The following TCERG1L variants were observed in gnomAD, a reference collection of about 807,000 sequenced individuals.
TCERG1L encodes transcription elongation regulator 1-like protein.
TCERG1L carries 37 observed loss-of-function variants against 56.3 expected under a neutral mutation model. That is an observed-to-expected ratio of 0.66 (90% confidence interval 0.51 to 0.87). The LOEUF is 0.87. TCERG1L is among the 40% of genes least tolerant of loss of function. TCERG1L has a pLI of 0.00. For synonymous variants in TCERG1L, 324 were observed against 326.3 expected, an observed-to-expected ratio of 0.99 and a Z score of 0.08; for missense variants, 799 against 774.2, an observed-to-expected ratio of 1.03 and a Z score of -0.38.
chr10:131,178,535 A>ATCTGTCTG (rs985686767), intron 4 of TCERG1L, among the ~76,000 whole-genome samples: 3 of 152,134 alleles, frequency 2.0e-5, no homozygotes, highest in Non-Finnish European at 4.4e-5. Context: ...AAGGGCATGC[A>ATCTGTCTG]TCTGTCTGTC....
At chr10:131,185,275 G>A (rs1845223747) in intron 4 of TCERG1L, among the ~76,000 whole-genome samples, 1 of 152,080 alleles carries the variant, frequency 6.6e-6, no homozygotes, top group Non-Finnish European at 1.5e-5. Flanking sequence ...CCAAAACACA[G>A]AAGAATGTCA....
At chr10:131,204,399 C>A (rs1477839268) in intron 4 of TCERG1L, among the ~76,000 whole-genome samples, 1 of 151,154 alleles carries the variant, frequency 6.6e-6, no homozygotes. Context: ...TGGCACCTGC[C>A]CCCCCACCCT....
At chr10:131,099,863 C>T (rs752426437) in intron 10 of TCERG1L, among the ~76,000 whole-genome samples, 16 of 148,650 alleles carry the variant, frequency 1.1e-4, no homozygotes. Flanking sequence ...CTTCTTTTTT[C>T]TTTTCTTTCT....
rs1589780157 is a variant in TCERG1L, at chr10:131,309,176, C to G, written c.466G>C (p.Asp156His). The change falls in exon 2 of 12, where the codon GAC (aspartate) becomes CAC (histidine). Residue 156 changes from aspartate to histidine, a missense_variant. Transcript: ENST00000368642. ...ACCTTACAGTTAGGAATCCTTTTGT[C>G]TATCCAACTTTTCCCAATAGGGGTT... is the stretch of plus-strand genomic sequence containing the variant. Reference protein sequence around the residue: ...LATPIGKSWIDKRIPNCKIFF... With the variant: ...LATPIGKSWIHKRIPNCKIFF... 2 of 1,609,300 alleles carry G rather than the reference C, an allele frequency of 1.2e-6. No individual in the cohort carries two copies. The highest frequency in any genetic ancestry group is 1.7e-6 in the Non-Finnish European group (2 of 1,178,138).
intron 7 of TCERG1L, among the ~76,000 whole-genome samples, chr10:131,146,212 G>C (rs1228262627): frequency 6.6e-6 from 1 of 152,194 alleles, no homozygotes; most frequent in African/African-American, 2.4e-5. Context: ...AAAATGCTGG[G>C]TAACAGTGAT....
In TCERG1L at chr10:131,187,418, T is replaced by C. The variant is rs146179825; in HGVS notation, c.857-20533A>G. Among the ~76,000 whole-genome samples, 848 of 152,240 alleles carry C rather than the reference T, an allele frequency of 5.6e-3. 10 individuals are homozygous for C. Among genetic ancestry groups the C allele is most frequent in the African/African-American group, 0.019 (778 of 41,546 alleles). On this transcript the variant is annotated intron_variant, in intron 4 of 11. Coordinates refer to ENST00000368642, the MANE Select transcript of TCERG1L (RefSeq NM_174937.4). ...CAGTTGTACTAGACATGAGGGTGGGTGTCCAGGTGGCCCAGCAGGGAGCAT... is the reference window on the plus strand; with the variant it reads ...CAGTTGTACTAGACATGAGGGTGGGCGTCCAGGTGGCCCAGCAGGGAGCAT...
chr10:131,246,034 GCT>G (rs1161785669), intron 4 of TCERG1L, among the ~76,000 whole-genome samples: 1 of 152,200 alleles, frequency 6.6e-6, no homozygotes, highest in African/African-American at 2.4e-5. Flanking sequence ...AAACACTGAG[GCT>G]CTGGTGAGAC....
intron 3 of TCERG1L, among the ~76,000 whole-genome samples, chr10:131,272,698 T>C (rs906497769): frequency 5.9e-5 from 9 of 152,160 alleles, no homozygotes; most frequent in African/African-American, 1.2e-4. Flanking sequence ...CTGTGAACTG[T>C]GCCGTCCAGC....
intron 4 of TCERG1L, among the ~76,000 whole-genome samples, chr10:131,243,139 G>A (rs573377114): frequency 1.2e-3 from 190 of 152,136 alleles, no homozygotes; most frequent in African/African-American, 4.2e-3. Context: ...ATTTTGGTTC[G>A]CCTGCACGAT....
intron 4 of TCERG1L, among the ~76,000 whole-genome samples, chr10:131,238,600 T>C (rs920641095): frequency 1.3e-5 from 2 of 152,192 alleles, no homozygotes; most frequent in African/African-American, 4.8e-5. Flanking sequence ...CCTTCCTCCA[T>C]GTTCATTATC....
Position 131,239,701 on chromosome 10 carries a change from G to A in TCERG1L, c.856+20558C>T, listed in dbSNP as rs575089168. ...GGCCTCAGATGCTGGCTACACCCAC[G>A]ATAGATTGCTTCCGGTGGTATGGAA... is the stretch of plus-strand genomic sequence containing the variant. On this transcript the variant is annotated intron_variant, in intron 4 of 11. Transcript: ENST00000368642. Among the ~76,000 whole-genome samples, 14 of 152,278 alleles carry A rather than the reference G, an allele frequency of 9.2e-5. 1 individual carries two copies. In the South Asian group the frequency reaches 2.9e-3, roughly 32 times the overall value.
At chr10:131,145,527 T>C (rs1003911588) in intron 7 of TCERG1L, among the ~76,000 whole-genome samples, 3 of 152,234 alleles carry the variant, frequency 2.0e-5, no homozygotes, top group Admixed American at 1.3e-4. Flanking sequence ...GTCTCAATCT[T>C]AAAAGACTAC....
Position 131,260,440 on chromosome 10 carries a change from G to A in TCERG1L, c.675C>T (p.Gly225=). The change falls in exon 4 of 12, where the codon GGC becomes GGT. Residue 225 remains glycine (G), a synonymous_variant. Coordinates refer to ENST00000368642, the MANE Select transcript of TCERG1L (RefSeq NM_174937.4). The surrounding 1 kb of genome is among the most constrained non-coding windows in gnomAD (Gnocchi z 5.8). ...TGGTCACCTTAAGGCTGTTATGGCA[G>A]CCACCTGCGGAAGAGGGATGCAGAG... The part of the protein sequence containing the change: ...VVLAPQPIPG[G]CHNSLKVTSS... 7.1e-7 allele frequency: 1 copy of A among 1,410,682 alleles called. No individual in the cohort carries two copies. 87.4% of individuals were successfully genotyped at this position (1,410,682 alleles called of 1,614,324 possible).
intron 3 of TCERG1L, among the ~76,000 whole-genome samples, chr10:131,293,513 C>A (rs1846656079): frequency 6.6e-6 from 1 of 151,944 alleles, no homozygotes; most frequent in Admixed American, 6.6e-5. Flanking sequence ...CCTGAGATAA[C>A]CCCCCTCCGG....
intron 4 of TCERG1L, among the ~76,000 whole-genome samples, chr10:131,197,322 C>T (rs901011127): frequency 3.3e-5 from 5 of 152,108 alleles, no homozygotes; most frequent in African/African-American, 1.2e-4. Flanking sequence ...GCTGGGACTA[C>T]AGGCGCCCGC....
intron 7 of TCERG1L, among the ~76,000 whole-genome samples, chr10:131,139,690 CTGTG>C (rs10534161): frequency 4.7e-4 from 71 of 150,184 alleles, no homozygotes; most frequent in African/African-American, 1.1e-3. Flanking sequence ...GTGTGTGTGT[CTGTG>C]TGTGTGTGTG....
intron 6 of TCERG1L, among the ~76,000 whole-genome samples, chr10:131,156,858 A>G (rs1286153889): frequency 1.3e-5 from 2 of 152,182 alleles, no homozygotes; most frequent in African/African-American, 4.8e-5. Context: ...TGGGGAGCTC[A>G]GCTCTTGAGA....
At chr10:131,255,581 T>C (rs548406293) in intron 4 of TCERG1L, among the ~76,000 whole-genome samples, 1 of 152,258 alleles carries the variant, frequency 6.6e-6, no homozygotes, top group Non-Finnish European at 1.5e-5. Flanking sequence ...TTCTCTATAC[T>C]GGACATAACC....
rs532478759 is a variant in TCERG1L, at chr10:131,235,139, G to A, written c.856+25120C>T. 1.4e-4 allele frequency among the ~76,000 whole-genome samples: 22 copies of A among 152,314 alleles called. No individual in the cohort carries two copies. The East Asian group carries it at 1.7e-3, about 12-fold the overall frequency. ...GGTGCAGGAGGGTCACTCAGATGGC[G>A]CCCAAGGTCGATTAAAATTCTAAAA... On this transcript the variant is annotated intron_variant, in intron 4 of 11. Coordinates refer to ENST00000368642, the MANE Select transcript of TCERG1L (RefSeq NM_174937.4).
Sources: allele counts gnomAD v4.1 joint callset (sites outside exome capture counted in the v4.1 genomes callset), GRCh38; gene constraint gnomAD v4.1.1; non-coding constraint Gnocchi (gnomAD v3.1); transcripts MANE v1.5; gene names NCBI Gene and HGNC (gene_info 2026-07-23, HGNC 2026-07-21).